The following DCUN1D3 variants were observed in gnomAD, a reference collection of about 807,000 sequenced individuals.
The protein encoded by DCUN1D3 is defective in cullin neddylation 1 domain containing 3.
DCUN1D3 carries 6 observed loss-of-function variants against 24.8 expected under a neutral mutation model. The ratio of observed to expected loss-of-function variants is 0.24; its 90% CI spans 0.13 to 0.48. The LOEUF (loss-of-function observed/expected upper bound fraction) is 0.48. Among genes scored for constraint, DCUN1D3 ranks in the 20% least tolerant of loss-of-function variants. The pLI is 0.99. For synonymous variants in DCUN1D3, 120 were observed against 144.9 expected, an observed-to-expected ratio of 0.83 and a Z score of 1.24; for missense variants, 258 against 379.4, an observed-to-expected ratio of 0.68 and a Z score of 2.66.
chr16:20,857,524 G>A lies in DCUN1D3; in HGVS notation c.*2362C>T, dbSNP rs2081708050. On this transcript the variant is annotated 3_prime_UTR_variant, in exon 3 of 3. Transcript: ENST00000324344. ...GATGGAAAGGGCCTTATCTGGCCAA[G>A]AGCAGCCTGGCTTTTCCCTCAGTCA... 6.6e-6 allele frequency: 1 copy of A among 152,258 alleles called. No individual in the cohort carries two copies. Among genetic ancestry groups the A allele is most frequent in the African/African-American group, 2.4e-5 (1 of 41,448 alleles). The allele number at this position is 152,258 out of a possible 1,614,324, so 9.4% of individuals were successfully genotyped here. A position where few individuals can be genotyped will look rare whatever the true frequency, so the allele number is the denominator to read the frequency against.
At chr16:20,898,555 C>G (rs989132180) in intron 1 of DCUN1D3, among the ~76,000 whole-genome samples, 2 of 152,204 alleles carry the variant, frequency 1.3e-5, no homozygotes, top group Admixed American at 1.3e-4. Flanking sequence ...GAACAGTAGT[C>G]ATTCTTCTGT....
In DCUN1D3 at chr16:20,859,873, T is replaced by A; in HGVS notation, c.*13A>T. 6.3e-7 allele frequency: 1 copy of A among 1,589,790 alleles called. No homozygotes were observed. The highest frequency in any genetic ancestry group is 1.3e-5 in the African/African-American group (1 of 74,480). On this transcript the variant is annotated 3_prime_UTR_variant, in exon 3 of 3. Coordinates refer to ENST00000324344, the MANE Select transcript of DCUN1D3 (RefSeq NM_173475.4). The stretch of plus-strand genomic sequence containing the variant: ...GCTGGCAGATCCTTGCTGCTGCTCC[T>A]GGGACAGAGCCACTAAGTCTGCTCC...
intron 1 of DCUN1D3, among the ~76,000 whole-genome samples, chr16:20,875,278 G>C (rs2081809189): frequency 1.3e-5 from 2 of 151,430 alleles, no homozygotes; most frequent in Non-Finnish European, 2.9e-5. Context: ...CAACAATAGG[G>C]GGTCCATGAA....
rs550342989 is a variant in DCUN1D3 at position 20,860,945 on chromosome 16, G to T, written c.432-576C>A. The stretch of plus-strand genomic sequence containing the variant: ...CCCTTTCAGCTTACAGCATGGTCTC[G>T]CATTGATCGTCTTCTCAGGGACTGT... On this transcript the variant is annotated intron_variant, in intron 2 of 2. Coordinates refer to ENST00000324344, the MANE Select transcript of DCUN1D3 (RefSeq NM_173475.4). The surrounding 1 kb of genome is among the most constrained non-coding windows in gnomAD (Gnocchi z 4.3). 6.6e-6 allele frequency among the ~76,000 whole-genome samples: 1 copy of T among 152,184 alleles called. No homozygotes were observed. Among genetic ancestry groups the T allele is most frequent in the Non-Finnish European group, 1.5e-5 (1 of 68,040 alleles).
In DCUN1D3 at chr16:20,860,620, T is replaced by C. The variant is rs946996640; in HGVS notation, c.432-251A>G. Among the ~76,000 whole-genome samples, 2 of 152,212 alleles carry C rather than the reference T, an allele frequency of 1.3e-5. No individual in the cohort carries two copies. The highest frequency in any genetic ancestry group is 4.8e-5 in the African/African-American group (2 of 41,468). On this transcript the variant is annotated intron_variant, in intron 2 of 2. Coordinates refer to ENST00000324344, the MANE Select transcript of DCUN1D3 (RefSeq NM_173475.4). This position sits in a 1 kb window ranked among gnomAD's most constrained non-coding sequence, Gnocchi z 4.3. ...TGCCTGGCACACGGTTGGCAGCTGATAATGGTTCATTTATTCATTCATTCA... is the reference window on the plus strand; with the variant it reads ...TGCCTGGCACACGGTTGGCAGCTGACAATGGTTCATTTATTCATTCATTCA...
intron 1 of DCUN1D3, among the ~76,000 whole-genome samples, chr16:20,879,501 G>T (rs1335674925): frequency 8.5e-6 from 1 of 117,748 alleles, no homozygotes; most frequent in Non-Finnish European, 2.2e-5. Flanking sequence ...AGTTTAACAG[G>T]AGAAAAAAAA....
intron 1 of DCUN1D3, among the ~76,000 whole-genome samples, chr16:20,889,787 C>T (rs1407223005): frequency 1.3e-5 from 2 of 152,164 alleles, no homozygotes; most frequent in Admixed American, 6.5e-5. Flanking sequence ...AGAGTTTATG[C>T]TAACAAGGTG....
At chr16:20,865,940 T>C (rs760908573) in intron 1 of DCUN1D3, among the ~76,000 whole-genome samples, 2 of 152,144 alleles carry the variant, frequency 1.3e-5, no homozygotes, top group Non-Finnish European at 2.9e-5. Flanking sequence ...AAGAGAGCAA[T>C]GACAAAAATA....
chr16:20,885,732 T>A lies in DCUN1D3; in HGVS notation c.-106+14472A>T, dbSNP rs192420869. On this transcript the variant is annotated intron_variant, in intron 1 of 2. Transcript: ENST00000324344. ...CCACTATGTTGAATTATGAGCAATA[T>A]GACAAAGTGAAATGAGATTTTAAAT... is the stretch of plus-strand genomic sequence containing the variant. 2.2e-3 allele frequency among the ~76,000 whole-genome samples: 328 copies of A among 152,316 alleles called. 3 individuals carry two copies. Among genetic ancestry groups the A allele is most frequent in the Non-Finnish European group, 3.1e-3 (211 of 68,028 alleles).
At chr16:20,873,750 A>C (rs1567425135) in intron 1 of DCUN1D3, among the ~76,000 whole-genome samples, 1 of 152,156 alleles carries the variant, frequency 6.6e-6, no homozygotes, top group Admixed American at 6.5e-5. Context: ...TATGCCCATG[A>C]CAAGCCAGCC....
chr16:20,856,060 A>C lies in DCUN1D3; in HGVS notation c.*3826T>G, dbSNP rs2081701379. ...AAAAACCTAGCAGCAGCTTTCTTCT[A>C]CGCCTTAACCTTATAATTGCATAAC... On this transcript the variant is annotated 3_prime_UTR_variant, in exon 3 of 3. Coordinates refer to ENST00000324344, the MANE Select transcript of DCUN1D3 (RefSeq NM_173475.4). 6.6e-6 allele frequency: 1 copy of C among 152,230 alleles called. No homozygotes were observed. Among genetic ancestry groups the C allele is most frequent in the African/African-American group, 2.4e-5 (1 of 41,460 alleles). 9.4% of individuals were successfully genotyped at this position (152,230 alleles called of 1,614,324 possible). A position where few individuals can be genotyped will look rare whatever the true frequency, so the allele number is the denominator to read the frequency against.
intron 1 of DCUN1D3, among the ~76,000 whole-genome samples, chr16:20,870,523 T>C (rs1427123163): frequency 2.6e-5 from 4 of 152,160 alleles, no homozygotes; most frequent in Non-Finnish European, 5.9e-5. Flanking sequence ...TGTTGGCTAC[T>C]ACTAATGGAC....
chr16:20,895,842 C>G (rs561134854), intron 1 of DCUN1D3, among the ~76,000 whole-genome samples: 1 of 152,122 alleles, frequency 6.6e-6, no homozygotes, highest in Non-Finnish European at 1.5e-5. Flanking sequence ...TATCAAGACC[C>G]GGGAAAACAG....
chr16:20,881,249 T>G (rs1445980482), intron 1 of DCUN1D3, among the ~76,000 whole-genome samples: 1 of 152,114 alleles, frequency 6.6e-6, no homozygotes, highest in African/African-American at 2.4e-5. Flanking sequence ...ACAAAAAAAT[T>G]TAAAACAATT....
rs2081700840 is a variant in DCUN1D3, at chr16:20,855,969, C to T, written c.*3917G>A. 6.6e-6 allele frequency: 1 copy of T among 152,200 alleles called. No individual in the cohort carries two copies. 9.4% of individuals were successfully genotyped at this position (152,200 alleles called of 1,614,324 possible). A position where few individuals can be genotyped will look rare whatever the true frequency, so the allele number is the denominator to read the frequency against. ...AAGACCTTTGTCAGTTACCAAGATGCTCAAGTCATAGCTAACCAAACATGA... is the reference window on the plus strand; with the variant it reads ...AAGACCTTTGTCAGTTACCAAGATGTTCAAGTCATAGCTAACCAAACATGA... On this transcript the variant is annotated 3_prime_UTR_variant, in exon 3 of 3. Transcript: ENST00000324344.
At chr16:20,890,359 G>C (rs1299337564) in intron 1 of DCUN1D3, among the ~76,000 whole-genome samples, 1 of 152,130 alleles carries the variant, frequency 6.6e-6, no homozygotes, top group African/African-American at 2.4e-5. Flanking sequence ...AGGGTGTGGG[G>C]GCCCACACCT....
At chr16:20,869,153 T>C (rs2152516737) in intron 1 of DCUN1D3, among the ~76,000 whole-genome samples, 1 of 152,382 alleles carries the variant, frequency 6.6e-6, no homozygotes, top group South Asian at 2.1e-4. Flanking sequence ...CCTGGGTTGC[T>C]CTAGCTCCAA....
At chr16:20,880,573 C>T (rs2081837607) in intron 1 of DCUN1D3, among the ~76,000 whole-genome samples, 1 of 119,674 alleles carries the variant, frequency 8.4e-6, no homozygotes, top group African/African-American at 3.0e-5. Context: ...CCTGGGTACT[C>T]CAGCCAGGGT....
intron 1 of DCUN1D3, among the ~76,000 whole-genome samples, chr16:20,876,666 C>T (rs185983494): frequency 2.7e-3 from 405 of 152,282 alleles, no homozygotes; most frequent in African/African-American, 9.4e-3. Context: ...TTTATTGTAG[C>T]ATTATTCACA....
Sources: gnomAD v4.1 joint callset for allele counts (sites outside exome capture counted in the v4.1 genomes callset) on GRCh38, gnomAD v4.1.1 for gene constraint, Gnocchi (gnomAD v3.1) non-coding constraint, MANE v1.5 for transcripts, NCBI Gene and HGNC (gene_info 2026-07-23, HGNC 2026-07-21) for gene names.